Variants in ZNF704 observed in about 807,000 individuals in gnomAD.
ZNF704 encodes the protein zinc finger protein 704.
A neutral mutation model predicts 44.7 loss-of-function variants in ZNF704; 10 were observed. That is an observed-to-expected ratio of 0.22 (90% CI 0.14 to 0.38). The LOEUF is 0.38. ZNF704 is among the 10% of genes least tolerant of loss of function. ZNF704 has a pLI of 1.00. For missense variants in ZNF704, 390 were observed against 545.5 expected (o/e 0.71, Z 2.84); for synonymous variants, 211 against 207.6 (o/e 1.02, Z -0.14).
chr8:80,729,086 C>T (rs1490177254), intron 2 of ZNF704, among the ~76,000 whole-genome samples: 1 of 151,972 alleles, frequency 6.6e-6, no homozygotes, highest in Non-Finnish European at 1.5e-5. Context: ...CTCTGTTGAA[C>T]TATTTGAGCT....
chr8:80,804,680 T>C (rs1255980349), intron 2 of ZNF704, among the ~76,000 whole-genome samples: 1 of 151,236 alleles, frequency 6.6e-6, no homozygotes, highest in African/African-American at 2.4e-5. Flanking sequence ...CCTGTCAGAG[T>C]GGGAGGTGGG....
At chr8:80,869,308 C>T (rs569755678) in intron 1 of ZNF704, among the ~76,000 whole-genome samples, 35 of 152,326 alleles carry the variant, frequency 2.3e-4, no homozygotes, top group Non-Finnish European at 3.7e-4. Context: ...ACCTCAGTTG[C>T]GTCCTTGATA....
chr8:80,723,875 G>A (rs914921094), intron 2 of ZNF704, among the ~76,000 whole-genome samples: 9 of 152,198 alleles, frequency 5.9e-5, no homozygotes, highest in Admixed American at 2.0e-4. Context: ...GGAGCCGACT[G>A]ATAGATGTTC....
intron 2 of ZNF704, among the ~76,000 whole-genome samples, chr8:80,799,422 T>G (rs1807862241): frequency 6.6e-6 from 1 of 152,190 alleles, no homozygotes; most frequent in African/African-American, 2.4e-5. Flanking sequence ...ATCCTGATGT[T>G]TCTTCATTGT....
Position 80,821,612 on chromosome 8 carries a change from C to A in ZNF704, c.-18G>T, listed in dbSNP as rs914355832. The A allele has an allele frequency of 2.2e-5, 36 of 1,609,604 alleles. No individual in the cohort carries two copies. Among genetic ancestry groups the A allele is most frequent in the Non-Finnish European group, 3.0e-5 (35 of 1,177,078 alleles). On this transcript the variant is annotated 5_prime_UTR_variant, in exon 2 of 9. Coordinates refer to ENST00000327835, the MANE Select transcript of ZNF704 (RefSeq NM_001033723.3). The stretch of plus-strand genomic sequence containing the variant: ...AAGGTCATTTCCCGCTTAATGCTCC[C>A]CACCTGTGAAATGAAACACAGAAAT...
chr8:80,813,690 A>T (rs1808128068), intron 2 of ZNF704, among the ~76,000 whole-genome samples: 1 of 152,146 alleles, frequency 6.6e-6, no homozygotes, highest in South Asian at 2.1e-4. Flanking sequence ...ATGCTGTCTT[A>T]ACACGGTGAA....
intron 1 of ZNF704, among the ~76,000 whole-genome samples, chr8:80,869,799 A>G (rs925646471): frequency 5.3e-5 from 8 of 152,360 alleles, no homozygotes; most frequent in Admixed American, 4.6e-4. Flanking sequence ...TGCATTATGC[A>G]AGGCTCCATC....
chr8:80,746,627 A>T (rs1384137713), intron 2 of ZNF704, among the ~76,000 whole-genome samples: 1 of 152,206 alleles, frequency 6.6e-6, no homozygotes. Context: ...CACAAGAACC[A>T]ACTAGATAGA....
intron 2 of ZNF704, among the ~76,000 whole-genome samples, chr8:80,820,037 T>C (rs1808243207): frequency 6.6e-6 from 1 of 152,194 alleles, no homozygotes; most frequent in South Asian, 2.1e-4. Flanking sequence ...CTCAAACAAT[T>C]GCTATAAGCT....
At chr8:80,750,136 G>A (rs1014902522) in intron 2 of ZNF704, among the ~76,000 whole-genome samples, 1 of 152,076 alleles carries the variant, frequency 6.6e-6, no homozygotes, top group African/African-American at 2.4e-5. Context: ...CTCAGCCAAG[G>A]TATGGTCTCA....
chr8:80,823,839 A>G (rs1808322881), intron 1 of ZNF704, among the ~76,000 whole-genome samples: 1 of 152,196 alleles, frequency 6.6e-6, no homozygotes, highest in African/African-American at 2.4e-5. Flanking sequence ...GCAAACTCCA[A>G]CAGACCTGCA....
chr8:80,680,988 C>CT (rs1157666838), intron 4 of ZNF704, among the ~76,000 whole-genome samples: 7 of 152,260 alleles, frequency 4.6e-5, no homozygotes, highest in Non-Finnish European at 1.0e-4. Context: ...TTGTGCCTGG[C>CT]TTTTTTTCCC....
At chr8:80,672,636 T>G (rs1242694595) in intron 4 of ZNF704, among the ~76,000 whole-genome samples, 2 of 152,204 alleles carry the variant, frequency 1.3e-5, no homozygotes. Context: ...TGGAGGCCAT[T>G]ATCCTAAGTG....
intron 7 of ZNF704, 112 bp downstream of exon 7, chr8:80,659,473 C>A: frequency 1.2e-6 from 1 of 845,124 alleles, no homozygotes; most frequent in Non-Finnish European, 2.0e-6. Context: ...AAATATAGTA[C>A]TTCTGGCATT....
chr8:80,825,878 T>C (rs1229761565), intron 1 of ZNF704, among the ~76,000 whole-genome samples: 1 of 152,036 alleles, frequency 6.6e-6, no homozygotes, highest in African/African-American at 2.4e-5. Context: ...TTGAAACCAA[T>C]GAGAACAAAG....
chr8:80,806,069 A>T (rs1807984757), intron 2 of ZNF704, among the ~76,000 whole-genome samples: 1 of 152,186 alleles, frequency 6.6e-6, no homozygotes. Context: ...AGCAGAAAGT[A>T]GCATCTCTTC....
intron 2 of ZNF704, among the ~76,000 whole-genome samples, chr8:80,807,180 T>C (rs1808003169): frequency 6.6e-6 from 1 of 152,156 alleles, no homozygotes; most frequent in Non-Finnish European, 1.5e-5. Context: ...TATAGACAAT[T>C]CTGAACCCTG....
intron 1 of ZNF704, among the ~76,000 whole-genome samples, chr8:80,843,656 C>T (rs999990219): frequency 2.0e-5 from 3 of 152,094 alleles, no homozygotes; most frequent in African/African-American, 7.2e-5. Flanking sequence ...CATTAATTCC[C>T]AACTAAAACA....
At chr8:80,717,530 G>T (rs185771386) in intron 2 of ZNF704, among the ~76,000 whole-genome samples, 1 of 152,324 alleles carries the variant, frequency 6.6e-6, no homozygotes, top group East Asian at 1.9e-4. Flanking sequence ...ATTCGAGAGA[G>T]AATGTGCACA....
Sources: allele counts gnomAD v4.1 joint callset (sites outside exome capture counted in the v4.1 genomes callset), GRCh38; gene constraint gnomAD v4.1.1; transcripts MANE v1.5; gene names NCBI Gene and HGNC (gene_info 2026-07-23, HGNC 2026-07-21).